Variants in HS6ST3 observed in about 807,000 individuals in gnomAD.
The protein encoded by HS6ST3 is heparan-sulfate 6-O-sulfotransferase 3.
A neutral mutation model predicts 36.7 loss-of-function variants in HS6ST3; 12 were observed. The ratio of observed to expected loss-of-function variants is 0.33; its 90% CI spans 0.21 to 0.53. The LOEUF (loss-of-function observed/expected upper bound fraction) is 0.53. Ranked by LOEUF, HS6ST3 falls within the 20% of genes least tolerant of loss-of-function variation. HS6ST3 has a pLI of 0.95. For missense variants in HS6ST3, 584 were observed against 640.9 expected, an observed-to-expected ratio of 0.91 and a Z score of 0.96; for synonymous variants, 240 against 257.5, an observed-to-expected ratio of 0.93 and a Z score of 0.65.
At chr13:96,639,668 C>T (rs1215895567) in intron 1 of HS6ST3, among the ~76,000 whole-genome samples, 3 of 151,830 alleles carry the variant, frequency 2.0e-5, no homozygotes, top group Admixed American at 2.0e-4. Context: ...ATATAGTGCC[C>T]AATAGTTACT....
chr13:96,787,860 T>C (rs6491305), intron 1 of HS6ST3, among the ~76,000 whole-genome samples: 5,283 of 152,120 alleles, frequency 0.035, 320 homozygotes, highest in African/African-American at 0.12. Flanking sequence ...TTCACTGGTT[T>C]TATTCTGTAA....
intron 1 of HS6ST3, among the ~76,000 whole-genome samples, chr13:96,495,848 T>G (rs369416925): frequency 6.6e-6 from 1 of 152,222 alleles, no homozygotes; most frequent in Non-Finnish European, 1.5e-5. Context: ...TACTCATTAA[T>G]GTTTGGATGT....
At chr13:96,550,370 T>G (rs895373364) in intron 1 of HS6ST3, among the ~76,000 whole-genome samples, 1 of 152,170 alleles carries the variant, frequency 6.6e-6, no homozygotes, top group Non-Finnish European at 1.5e-5. Flanking sequence ...CAGTAAGAGC[T>G]TCCTGAGGCC....
chr13:96,589,200 T>G (rs555584518), intron 1 of HS6ST3, among the ~76,000 whole-genome samples: 1 of 152,312 alleles, frequency 6.6e-6, no homozygotes, highest in East Asian at 1.9e-4. Context: ...TAGAGATTTT[T>G]TATTACTGAT....
chr13:96,213,527 ATT>A (rs375188560), intron 1 of HS6ST3, among the ~76,000 whole-genome samples: 7,780 of 145,232 alleles, frequency 0.054, 339 homozygotes, highest in African/African-American at 0.13. Context: ...GTGTAGGACA[ATT>A]TTTTTTTTTT....
At chr13:96,305,917 T>C (rs2054910417) in intron 1 of HS6ST3, among the ~76,000 whole-genome samples, 1 of 148,700 alleles carries the variant, frequency 6.7e-6, no homozygotes, top group South Asian at 2.1e-4. Flanking sequence ...CCAGATTTCC[T>C]TTCTTTCTTT....
intron 1 of HS6ST3, among the ~76,000 whole-genome samples, chr13:96,530,491 T>C (rs923700177): frequency 2.0e-4 from 30 of 151,804 alleles, no homozygotes; most frequent in Non-Finnish European, 1.3e-4. Context: ...CTGATCAGTT[T>C]CTTTTTTCTT....
At chr13:96,332,854 A>G (rs1015510115) in intron 1 of HS6ST3, among the ~76,000 whole-genome samples, 2 of 152,230 alleles carry the variant, frequency 1.3e-5, no homozygotes, top group Non-Finnish European at 2.9e-5. Flanking sequence ...TTGAAAGTTA[A>G]TCACCAATGT....
chr13:96,442,270 TC>T (rs1185983050), intron 1 of HS6ST3, among the ~76,000 whole-genome samples: 3 of 152,164 alleles, frequency 2.0e-5, no homozygotes, highest in African/African-American at 4.8e-5. Flanking sequence ...CATCTTGGCT[TC>T]CCAAAGTGCT....
chr13:96,455,447 TA>T (rs1485738441), intron 1 of HS6ST3, among the ~76,000 whole-genome samples: 1 of 152,078 alleles, frequency 6.6e-6, no homozygotes, highest in Non-Finnish European at 1.5e-5. Context: ...AGGCTGGTCT[TA>T]AATTCCTGGG....
At chr13:96,280,985 C>G (rs1365716697) in intron 1 of HS6ST3, among the ~76,000 whole-genome samples, 1 of 152,088 alleles carries the variant, frequency 6.6e-6, no homozygotes, top group Non-Finnish European at 1.5e-5. Flanking sequence ...TTAGCATACT[C>G]CCATGCAGCA....
intron 1 of HS6ST3, among the ~76,000 whole-genome samples, chr13:96,622,328 G>GT (rs2056498047): frequency 6.6e-6 from 1 of 152,154 alleles, no homozygotes; most frequent in Non-Finnish European, 1.5e-5. Flanking sequence ...TTTAGCTGTG[G>GT]TAACTACTTG....
chr13:96,197,429 G>C (rs759106703), intron 1 of HS6ST3, among the ~76,000 whole-genome samples: 7 of 152,128 alleles, frequency 4.6e-5, no homozygotes, highest in Non-Finnish European at 7.4e-5. Flanking sequence ...TTCAAGTTGA[G>C]ATTTGAATGG....
chr13:96,757,644 T>G (rs1234727766), intron 1 of HS6ST3, among the ~76,000 whole-genome samples: 2 of 152,162 alleles, frequency 1.3e-5, no homozygotes, highest in Non-Finnish European at 2.9e-5. Flanking sequence ...TGATGTTTCT[T>G]TCTATTGTAA....
chr13:96,463,398 A>G (rs949542886), intron 1 of HS6ST3, among the ~76,000 whole-genome samples: 5 of 152,184 alleles, frequency 3.3e-5, no homozygotes, highest in African/African-American at 4.8e-5. Context: ...ATAATTAATC[A>G]TATGATAAGA....
At chr13:96,396,045 G>A (rs2055419390) in intron 1 of HS6ST3, among the ~76,000 whole-genome samples, 2 of 152,146 alleles carry the variant, frequency 1.3e-5, no homozygotes, top group South Asian at 4.1e-4. Flanking sequence ...TGGGCACAGT[G>A]GCTCATGCCT....
intron 1 of HS6ST3, among the ~76,000 whole-genome samples, chr13:96,155,351 A>AT (rs2054105503): frequency 1.3e-5 from 2 of 151,710 alleles, no homozygotes; most frequent in Admixed American, 1.3e-4. Context: ...AACAAAAAAA[A>AT]CAGCTTTTCT....
intron 1 of HS6ST3, among the ~76,000 whole-genome samples, chr13:96,786,131 C>A (rs1043932878): frequency 6.6e-6 from 1 of 152,158 alleles, no homozygotes; most frequent in South Asian, 2.1e-4. Context: ...CTGGAACACA[C>A]TGGACCCTTT....
chr13:96,805,786 G>A (rs192208860), intron 1 of HS6ST3, among the ~76,000 whole-genome samples: 1 of 152,202 alleles, frequency 6.6e-6, no homozygotes, highest in Non-Finnish European at 1.5e-5. Context: ...ATGCAATTTA[G>A]TGACCAATAT....
Sources: gnomAD v4.1 joint callset for allele counts (sites outside exome capture counted in the v4.1 genomes callset) on GRCh38, gnomAD v4.1.1 for gene constraint, MANE v1.5 for transcripts, NCBI Gene and HGNC (gene_info 2026-07-23, HGNC 2026-07-21) for gene names.